The following CDH18 variants were observed in gnomAD, a reference collection of about 807,000 sequenced individuals.
The protein encoded by CDH18 is cadherin-18.
CDH18 carries 31 observed loss-of-function variants against 67.9 expected under a neutral mutation model. That is an observed-to-expected ratio of 0.46 (90% CI 0.34 to 0.62). The LOEUF is 0.62. Ranked by LOEUF, CDH18 falls within the 20% of genes least tolerant of loss-of-function variation. CDH18 has a pLI of 0.01. For synonymous variants in CDH18, 362 were observed against 347.2 expected, an observed-to-expected ratio of 1.04 and a Z score of -0.48; for missense variants, 890 against 975.5, an observed-to-expected ratio of 0.91 and a Z score of 1.17.
chr5:20,216,103 C>T (rs1294878181), intron 2 of CDH18, among the ~76,000 whole-genome samples: 1 of 151,792 alleles, frequency 6.6e-6, no homozygotes, highest in Non-Finnish European at 1.5e-5. Flanking sequence ...AACAAGCTTG[C>T]ATATGTACCC....
intron 2 of CDH18, among the ~76,000 whole-genome samples, chr5:20,028,360 G>C (rs1300258355): frequency 6.6e-6 from 1 of 152,012 alleles, no homozygotes; most frequent in African/African-American, 2.4e-5. Context: ...GAAATTTCTT[G>C]GATCACTTTC....
At chr5:19,628,268 C>T (rs377186978) in intron 5 of CDH18, among the ~76,000 whole-genome samples, 6 of 152,096 alleles carry the variant, frequency 3.9e-5, no homozygotes, top group African/African-American at 7.2e-5. Context: ...TCCTCAGCCA[C>T]GTGAAACTGT....
intron 2 of CDH18, among the ~76,000 whole-genome samples, chr5:19,889,783 A>C (rs532640626): frequency 6.6e-6 from 1 of 152,310 alleles, no homozygotes; most frequent in African/African-American, 2.4e-5. Flanking sequence ...AAAAAAAGTC[A>C]TGATTTTAAA....
chr5:20,529,053 T>C (rs1213795277), intron 1 of CDH18, among the ~76,000 whole-genome samples: 1 of 151,762 alleles, frequency 6.6e-6, no homozygotes, highest in Non-Finnish European at 1.5e-5. Flanking sequence ...TCAGAAATGA[T>C]AAGGGGGATA....
intron 1 of CDH18, among the ~76,000 whole-genome samples, chr5:20,267,952 T>G (rs1210126332): frequency 1.3e-5 from 2 of 152,156 alleles, no homozygotes; most frequent in African/African-American, 2.4e-5. Flanking sequence ...CCTCCTTCCC[T>G]CTTCCCACTC....
At chr5:19,762,154 G>C (rs1012686745) in intron 3 of CDH18, among the ~76,000 whole-genome samples, 1 of 152,076 alleles carries the variant, frequency 6.6e-6, no homozygotes. Context: ...AGAAACCCTA[G>C]GCAATACCAT....
intron 5 of CDH18, among the ~76,000 whole-genome samples, chr5:19,692,028 C>T (rs1761956101): frequency 6.6e-6 from 1 of 151,926 alleles, no homozygotes; most frequent in South Asian, 2.1e-4. Flanking sequence ...GGTATAAAAA[C>T]AGGCACGTAG....
chr5:20,541,848 A>T (rs950578838), intron 1 of CDH18, among the ~76,000 whole-genome samples: 3 of 152,218 alleles, frequency 2.0e-5, no homozygotes, highest in Non-Finnish European at 4.4e-5. Context: ...TGGAGTGATG[A>T]AGTACAGAGT....
chr5:20,561,012 C>T (rs1204315682), intron 1 of CDH18, among the ~76,000 whole-genome samples: 1 of 151,978 alleles, frequency 6.6e-6, no homozygotes, highest in African/African-American at 2.4e-5. Context: ...AAACAATGTT[C>T]CATATCATAT....
chr5:19,972,081 C>T (rs79975656), intron 2 of CDH18, among the ~76,000 whole-genome samples: 1,850 of 152,024 alleles, frequency 0.012, 54 homozygotes, highest in African/African-American at 0.042. Context: ...AAAGAAAATG[C>T]GATATTCTTT....
intron 7 of CDH18, among the ~76,000 whole-genome samples, chr5:19,574,563 T>C (rs568977213): frequency 1.3e-5 from 2 of 152,202 alleles, no homozygotes; most frequent in Non-Finnish European, 2.9e-5. Flanking sequence ...TAGAGTTATA[T>C]ATATAATAGA....
intron 1 of CDH18, among the ~76,000 whole-genome samples, chr5:20,462,754 A>G (rs1411342147): frequency 6.6e-6 from 1 of 152,134 alleles, no homozygotes; most frequent in Non-Finnish European, 1.5e-5. Flanking sequence ...AATCATAATA[A>G]CCCATATTGC....
intron 2 of CDH18, among the ~76,000 whole-genome samples, chr5:19,914,203 T>C (rs1475322623): frequency 6.6e-6 from 1 of 152,120 alleles, no homozygotes; most frequent in African/African-American, 2.4e-5. Flanking sequence ...TAGTGTCTTA[T>C]ATGCAGTAGG....
intron 2 of CDH18, among the ~76,000 whole-genome samples, chr5:20,088,431 T>C (rs914340026): frequency 6.6e-6 from 1 of 152,210 alleles, no homozygotes; most frequent in African/African-American, 2.4e-5. Context: ...TAGCAATTTA[T>C]TGGAAAATAC....
intron 2 of CDH18, among the ~76,000 whole-genome samples, chr5:20,032,175 A>C (rs1257332227): frequency 6.6e-6 from 1 of 151,848 alleles, no homozygotes; most frequent in Non-Finnish European, 1.5e-5. Context: ...GTTTGTATAC[A>C]TATAAACTCA....
chr5:20,084,257 A>T (rs993428327), intron 2 of CDH18, among the ~76,000 whole-genome samples: 1 of 152,230 alleles, frequency 6.6e-6, no homozygotes, highest in Non-Finnish European at 1.5e-5. Flanking sequence ...TCTGAAATCC[A>T]GCAGGGCTGT....
intron 5 of CDH18, among the ~76,000 whole-genome samples, chr5:19,613,499 T>A (rs1749329009): frequency 6.6e-6 from 1 of 152,204 alleles, no homozygotes; most frequent in Non-Finnish European, 1.5e-5. Flanking sequence ...ATAAAGAAAC[T>A]GATAAGGTTT....
At chr5:19,479,890 A>C (rs2126557481) in intron 12 of CDH18, among the ~76,000 whole-genome samples, 2 of 152,318 alleles carry the variant, frequency 1.3e-5, no homozygotes, top group East Asian at 1.9e-4. Flanking sequence ...GATATAATAA[A>C]ATTTACAAAT....
At chr5:20,462,117 T>C (rs570397076) in intron 1 of CDH18, among the ~76,000 whole-genome samples, 8 of 152,290 alleles carry the variant, frequency 5.3e-5, no homozygotes, top group African/African-American at 1.4e-4. Context: ...GGAATCAACT[T>C]AAGAATCTAT....
Sources: allele counts gnomAD v4.1 joint callset (sites outside exome capture counted in the v4.1 genomes callset), GRCh38; gene constraint gnomAD v4.1.1; transcripts MANE v1.5; gene names NCBI Gene and HGNC (gene_info 2026-07-23, HGNC 2026-07-21).